Variants in BACH1 observed in about 807,000 individuals in gnomAD.
BACH1 encodes the protein BTB domain and CNC homolog 1.
A neutral mutation model predicts 52.9 loss-of-function variants in BACH1; 35 were observed. The ratio of observed to expected loss-of-function variants is 0.66; its 90% CI spans 0.51 to 0.88. The LOEUF (loss-of-function observed/expected upper bound fraction) is 0.88, where lower values mean the gene tolerates loss of function less well. Ranked by LOEUF, BACH1 falls within the 40% of genes least tolerant of loss-of-function variation. The pLI, the probability that BACH1 is intolerant of heterozygous loss-of-function variation, is 0.00. For missense variants in BACH1, 808 were observed against 872.6 expected, an observed-to-expected ratio of 0.93 and a Z score of 0.93; for synonymous variants, 321 against 319.6, an observed-to-expected ratio of 1.00 and a Z score of -0.05.
intron 2 of BACH1, among the ~76,000 whole-genome samples, chr21:29,324,703 A>C (rs1440192915): frequency 6.6e-6 from 1 of 152,074 alleles, no homozygotes; most frequent in Non-Finnish European, 1.5e-5. Flanking sequence ...GTGAACATAA[A>C]TTTGCATTTC....
chr21:29,324,079 A>C (rs2123441576), intron 2 of BACH1, among the ~76,000 whole-genome samples: 1 of 151,898 alleles, frequency 6.6e-6, no homozygotes, highest in South Asian at 2.1e-4. Flanking sequence ...TGGTGAAACC[A>C]CATCTCTACT....
rs1449459079 is a variant in BACH1 at position 29,345,596 on chromosome 21, G to A, written c.*2763G>A. The A allele has an allele frequency of 1.3e-5, 2 of 152,340 alleles. No homozygotes were observed. The highest frequency in any genetic ancestry group is 1.3e-4 in the Admixed American group (2 of 15,252). 9.4% of individuals were successfully genotyped at this position (152,340 alleles called of 1,614,324 possible). On this transcript the variant is annotated 3_prime_UTR_variant, in exon 5 of 5. Coordinates refer to ENST00000286800, the MANE Select transcript of BACH1 (RefSeq NM_001186.4). Reference sequence around the variant, plus strand: ...TGGATACAGTCTTGGTTCTCCATCTGTAATTTTTTTTAACAGTTTGCTATA... The same window carrying A: ...TGGATACAGTCTTGGTTCTCCATCTATAATTTTTTTTAACAGTTTGCTATA...
intron 4 of BACH1, among the ~76,000 whole-genome samples, chr21:29,331,109 A>G (rs1281217371): frequency 2.6e-5 from 4 of 152,136 alleles, no homozygotes; most frequent in Non-Finnish European, 5.9e-5. Flanking sequence ...GTTCTTTCTT[A>G]TTCAGTTTTG....
chr21:29,320,438 G>A (rs936398569), intron 1 of BACH1, among the ~76,000 whole-genome samples: 1 of 152,064 alleles, frequency 6.6e-6, no homozygotes, highest in Non-Finnish European at 1.5e-5. Context: ...GCAGTAGTGT[G>A]TATGTGATCA....
At position 29,332,126 on chromosome 21, in the gene BACH1, G is replaced by A. The variant is rs538876945; in HGVS notation, c.1776+2433G>A. Among the ~76,000 whole-genome samples the A allele has an allele frequency of 4.3e-4, 66 of 152,162 alleles. 1 individual carries two copies. In the South Asian group the frequency reaches 0.013, roughly 31 times the overall value. On this transcript the variant is annotated intron_variant, in intron 4 of 4. Transcript: ENST00000286800. ...TTTTTGTATTTTTAGTGGAGAACAGGGGCTTCACCGTGTTAGCCAGGATGG... is the reference window on the plus strand; with the variant it reads ...TTTTTGTATTTTTAGTGGAGAACAGAGGCTTCACCGTGTTAGCCAGGATGG...
chr21:29,361,104 A>C (rs2089269171), intron 2 of BACH1: 1 of 152,238 alleles, frequency 6.6e-6, no homozygotes, highest in Admixed American at 6.5e-5. Context: ...GCTGGAACAT[A>C]GTAGGGTCTC....
chr21:29,357,037 G>A lies in BACH1; in HGVS notation c.472+27344G>A, dbSNP rs373721632. 1.2e-3 allele frequency among the ~76,000 whole-genome samples: 183 copies of A among 152,272 alleles called. 1 individual carries two copies. Among genetic ancestry groups the A allele is most frequent in the African/African-American group, 3.9e-3 (161 of 41,540 alleles). Reference sequence around the variant, plus strand: ...TGCAATAACTCCATGGTTTCTTTGTGATATTTAATGGGCGTTCCCCCAGAG... The same window carrying A: ...TGCAATAACTCCATGGTTTCTTTGTAATATTTAATGGGCGTTCCCCCAGAG... On this transcript the variant is annotated intron_variant, in intron 2 of 4. Coordinates refer to the BACH1 transcript ENST00000422809.
chr21:29,315,612 A>C (rs192643513), intron 1 of BACH1, among the ~76,000 whole-genome samples: 604 of 152,304 alleles, frequency 4.0e-3, no homozygotes, highest in Non-Finnish European at 7.2e-3. Flanking sequence ...ACTGGCCACC[A>C]CTTGTGGCCA....
intron 1 of BACH1, among the ~76,000 whole-genome samples, chr21:29,318,136 G>A (rs1017240865): frequency 1.3e-5 from 2 of 152,206 alleles, no homozygotes; most frequent in Non-Finnish European, 2.9e-5. Context: ...CAAGTAATAA[G>A]CATAAATATT....
intron 4 of BACH1, among the ~76,000 whole-genome samples, chr21:29,340,240 C>G (rs2089095849): frequency 6.6e-6 from 1 of 152,120 alleles, no homozygotes; most frequent in Non-Finnish European, 1.5e-5. Context: ...AAATATGTGT[C>G]TTAAACTTAG....
intron 1 of BACH1, among the ~76,000 whole-genome samples, chr21:29,313,466 G>A (rs768290445): frequency 2.0e-5 from 3 of 152,152 alleles, no homozygotes; most frequent in Non-Finnish European, 4.4e-5. Context: ...AGTGATACAC[G>A]AAATATATGT....
Position 29,326,545 on chromosome 21 carries a change from A to C in BACH1, c.721A>C (p.Thr241Pro). 8 of 1,614,204 alleles carry C rather than the reference A, an allele frequency of 5.0e-6. No homozygotes were observed. The highest frequency in any genetic ancestry group is 5.9e-6 in the Non-Finnish European group (7 of 1,180,026). The change falls in exon 3 of 5, where the codon ACT becomes CCT. Residue 241 changes from threonine to proline, a missense_variant. Coordinates refer to ENST00000286800, the MANE Select transcript of BACH1 (RefSeq NM_001186.4). ...AGCATTTGGAACTGACAGAGTCCGT[A>C]CTGGGGAATCTAGTGTCAAAGACAT... ...QKAFGTDRVR[T>P]GESSVKDIHA...
At chr21:29,314,270 T>C (rs1484916205) in intron 1 of BACH1, among the ~76,000 whole-genome samples, 2 of 152,218 alleles carry the variant, frequency 1.3e-5, no homozygotes, top group Non-Finnish European at 2.9e-5. Context: ...TTCCAGTATT[T>C]ACTTCCAAGC....
chr21:29,347,903 A>G (rs2089179180), downstream of BACH1, among the ~76,000 whole-genome samples: 1 of 152,216 alleles, frequency 6.6e-6, no homozygotes, highest in African/African-American at 2.4e-5. Context: ...AATGCATGAA[A>G]GTCCAGGAAT....
chr21:29,342,794 C>T lies in BACH1; in HGVS notation c.2172C>T (p.Phe724=), dbSNP rs1161654187. The change falls in exon 5 of 5, where the codon TTC becomes TTT. Residue 724 remains phenylalanine (F), a synonymous_variant. Transcript: ENST00000286800. The part of the protein sequence containing the change: ...QCRQSGGISD[F]CQQMTDKCTT... ...GTCAGAGTGGTGGGATCTCAGATTT[C>T]TGTCAGCAGATGACTGATAAATGTA... is the stretch of plus-strand genomic sequence containing the variant. The T allele has an allele frequency of 6.2e-7, 1 of 1,609,690 alleles. No homozygotes were observed. Among genetic ancestry groups the T allele is most frequent in the Non-Finnish European group, 8.5e-7 (1 of 1,176,566 alleles).
At chr21:29,332,590 A>G (rs1029318711) in intron 4 of BACH1, among the ~76,000 whole-genome samples, 3 of 152,172 alleles carry the variant, frequency 2.0e-5, no homozygotes, top group Admixed American at 1.3e-4. Context: ...ATAACAGGGA[A>G]CAGAAGTGGA....
At chr21:29,334,375 G>A (rs2089020713) in intron 4 of BACH1, among the ~76,000 whole-genome samples, 1 of 152,154 alleles carries the variant, frequency 6.6e-6, no homozygotes, top group South Asian at 2.1e-4. Context: ...TGGGATTATA[G>A]GCGTGAGCCA....
At chr21:29,310,861 A>G (rs890239721) in intron 1 of BACH1, among the ~76,000 whole-genome samples, 1 of 152,262 alleles carries the variant, frequency 6.6e-6, no homozygotes, top group Admixed American at 6.5e-5. Flanking sequence ...GGGAAGAGAC[A>G]GTGTGAGTAT....
Position 29,329,872 on chromosome 21 carries a change from A to T in BACH1, c.1776+179A>T, listed in dbSNP as rs569894886. Among the ~76,000 whole-genome samples, 49 of 152,200 alleles carry T rather than the reference A, an allele frequency of 3.2e-4. No homozygotes were observed. The South Asian group carries it at 7.0e-3, about 22-fold the overall frequency. Reference sequence around the variant, plus strand: ...TGATATGTAAGTGCTTTTTAAAAAGAAGGTTTTCAAATTAAGAATGACTTT... The same window carrying T: ...TGATATGTAAGTGCTTTTTAAAAAGTAGGTTTTCAAATTAAGAATGACTTT... On this transcript the variant is annotated intron_variant, in intron 4 of 4. Coordinates refer to ENST00000286800, the MANE Select transcript of BACH1 (RefSeq NM_001186.4).
Sources: gnomAD v4.1 joint callset for allele counts (sites outside exome capture counted in the v4.1 genomes callset) on GRCh38, gnomAD v4.1.1 for gene constraint, MANE v1.5 for transcripts, NCBI Gene and HGNC (gene_info 2026-07-23, HGNC 2026-07-21) for gene names.